Variants in WDR49 observed in about 807,000 individuals in gnomAD.
WDR49 encodes cilia- and flagella-associated protein 337.
WDR49 carries 107 observed loss-of-function variants against 119.5 expected under a neutral mutation model. The ratio of observed to expected loss-of-function variants is 0.90; its 90% CI spans 0.77 to 1.05. WDR49 has a LOEUF of 1.05. Ranked by LOEUF, WDR49 falls within the 50% of genes least tolerant of loss-of-function variation. WDR49 has a pLI of 0.00. For missense variants in WDR49, 1,240 were observed against 1,220.5 expected (o/e 1.02, Z -0.24); for synonymous variants, 425 against 418.8 (o/e 1.01, Z -0.18).
intron 3 of WDR49, among the ~76,000 whole-genome samples, chr3:167,625,934 A>AC (rs893929577): frequency 2.6e-5 from 4 of 152,044 alleles, no homozygotes; most frequent in Non-Finnish European, 5.9e-5. Flanking sequence ...AAAAAAAAAA[A>AC]AAAAATTAGG....
intron 7 of WDR49, among the ~76,000 whole-genome samples, chr3:167,583,899 G>T (rs1246466265): frequency 6.6e-6 from 1 of 152,054 alleles, no homozygotes; most frequent in Non-Finnish European, 1.5e-5. Flanking sequence ...AAAAAATGAG[G>T]GAGTGAGAAA....
intron 5 of WDR49, among the ~76,000 whole-genome samples, chr3:167,618,222 C>A (rs1229671394): frequency 6.6e-6 from 1 of 152,122 alleles, no homozygotes; most frequent in African/African-American, 2.4e-5. Context: ...CTCTAGGAGT[C>A]AAAATCTTGT....
intron 16 of WDR49, among the ~76,000 whole-genome samples, chr3:167,519,826 G>T (rs1752366771): frequency 1.3e-5 from 2 of 152,036 alleles, no homozygotes; most frequent in South Asian, 4.1e-4. Flanking sequence ...TATCAGCACT[G>T]ATTTTCATAA....
intron 18 of WDR49, among the ~76,000 whole-genome samples, chr3:167,482,388 G>A (rs1029864257): frequency 7.2e-5 from 11 of 152,180 alleles, no homozygotes; most frequent in Admixed American, 5.9e-4. Context: ...GCTAAACTGA[G>A]GCCAGGAGTG....
intron 7 of WDR49, among the ~76,000 whole-genome samples, chr3:167,601,904 T>C (rs529932122): frequency 6.6e-6 from 1 of 152,264 alleles, no homozygotes; most frequent in Admixed American, 6.5e-5. Context: ...GAGTACATGA[T>C]TTGAAAAAAT....
At chr3:167,655,894 T>A (rs1718588782), upstream of WDR49, among the ~76,000 whole-genome samples, 1 of 150,314 alleles carries the variant, frequency 6.7e-6, no homozygotes, top group Non-Finnish European at 1.5e-5. Flanking sequence ...ATAGACACTG[T>A]CTCTCTCTCT....
intron 8 of WDR49, among the ~76,000 whole-genome samples, chr3:167,560,485 T>C (rs893939696): frequency 1.3e-5 from 2 of 152,202 alleles, no homozygotes; most frequent in Non-Finnish European, 2.9e-5. Context: ...CTTTAGTGTC[T>C]AGAGGCCATT....
chr3:167,541,796 T>C (rs1007118779), intron 10 of WDR49, among the ~76,000 whole-genome samples: 1 of 152,110 alleles, frequency 6.6e-6, no homozygotes, highest in Non-Finnish European at 1.5e-5. Flanking sequence ...GTATCTGCTA[T>C]CTGCAAGAGA....
At chr3:167,518,814 A>T (rs1313516773) in intron 16 of WDR49, among the ~76,000 whole-genome samples, 1 of 151,638 alleles carries the variant, frequency 6.6e-6, no homozygotes, top group Non-Finnish European at 1.5e-5. Context: ...ACAGCAAAAG[A>T]AACTGTCATC....
intron 14 of WDR49, 99 bp from the exon 15 acceptor site, chr3:167,528,116 A>G: frequency 3.1e-6 from 3 of 967,682 alleles, no homozygotes; most frequent in Non-Finnish European, 3.0e-6. Flanking sequence ...AAACTTGGGA[A>G]CAATAACCTA....
In WDR49 at chr3:167,543,426, A is replaced by G. The variant is rs145392583; in HGVS notation, c.1824-6426T>C. On this transcript the variant is annotated intron_variant, in intron 10 of 18. Coordinates refer to ENST00000682715, the MANE Select transcript of WDR49 (RefSeq NM_001366157.1). ...AGCCAACTAAATCCAACAGCATTTCAAAAAGATAATCCAACATGATCAAGT... is the reference window on the plus strand; with the variant it reads ...AGCCAACTAAATCCAACAGCATTTCGAAAAGATAATCCAACATGATCAAGT... Among the ~76,000 whole-genome samples the G allele has an allele frequency of 6.0e-4, 91 of 152,234 alleles. 2 individuals carry two copies. The East Asian group carries it at 9.8e-3, about 16-fold the overall frequency.
chr3:167,592,941 T>C (rs1479014018), intron 7 of WDR49, among the ~76,000 whole-genome samples: 1 of 152,214 alleles, frequency 6.6e-6, no homozygotes, highest in African/African-American at 2.4e-5. Flanking sequence ...TCCTGGCCTG[T>C]AAGATTTCCC....
chr3:167,616,497 G>A (rs992271327), intron 5 of WDR49, among the ~76,000 whole-genome samples: 6 of 152,088 alleles, frequency 3.9e-5, no homozygotes, highest in African/African-American at 1.4e-4. Flanking sequence ...AGCACACAGA[G>A]CAGGAAACCA....
chr3:167,605,180 G>A (rs1715997071), intron 5 of WDR49, among the ~76,000 whole-genome samples: 2 of 152,050 alleles, frequency 1.3e-5, no homozygotes, highest in Admixed American at 1.3e-4. Flanking sequence ...AGAAAGTTCT[G>A]AGAAGCAGGA....
intron 18 of WDR49, among the ~76,000 whole-genome samples, chr3:167,486,774 T>A (rs538879916): frequency 6.6e-6 from 1 of 152,084 alleles, no homozygotes; most frequent in South Asian, 2.1e-4. Flanking sequence ...AACCACACAA[T>A]AATACTGACA....
At position 167,493,718 on chromosome 3, in the gene WDR49, AT is replaced by A. The variant is rs539213592; in HGVS notation, c.3031+6434del. Reference sequence around the variant, plus strand: ...AATCAGAACAAAAATATTGAACCTAATTTTTAAACATGTCTATCAACTATAG... The same window carrying A: ...AATCAGAACAAAAATATTGAACCTAATTTTAAACATGTCTATCAACTATAG... On this transcript the variant is annotated intron_variant, in intron 18 of 18. Transcript: ENST00000682715. Among the ~76,000 whole-genome samples the A allele has an allele frequency of 5.3e-5, 8 of 152,280 alleles. No homozygotes were observed. The South Asian group carries it at 1.7e-3, about 32-fold the overall frequency.
At chr3:167,608,981 A>G (rs779734617) in intron 5 of WDR49, among the ~76,000 whole-genome samples, 5 of 152,326 alleles carry the variant, frequency 3.3e-5, no homozygotes, top group Middle Eastern at 3.4e-3. Flanking sequence ...TGTCAAAATG[A>G]CCCTGTGTAA....
At chr3:167,480,447 AT>A (rs1461459022) in intron 18 of WDR49, among the ~76,000 whole-genome samples, 1 of 152,114 alleles carries the variant, frequency 6.6e-6, no homozygotes, top group Non-Finnish European at 1.5e-5. Context: ...ACTTTACAGT[AT>A]AGTGGCATCT....
chr3:167,588,120 C>T (rs1335749258), intron 7 of WDR49, among the ~76,000 whole-genome samples: 1 of 152,092 alleles, frequency 6.6e-6, no homozygotes, highest in Non-Finnish European at 1.5e-5. Context: ...CCCTTCCCAG[C>T]CTCTAATAAC....
Sources: allele counts gnomAD v4.1 joint callset (sites outside exome capture counted in the v4.1 genomes callset), GRCh38; gene constraint gnomAD v4.1.1; transcripts MANE v1.5; gene names NCBI Gene and HGNC (gene_info 2026-07-23, HGNC 2026-07-21).